The following CCDC85C variants were observed in gnomAD, a reference collection of about 807,000 sequenced individuals.
The protein encoded by CCDC85C is coiled-coil domain-containing protein 85C.
A neutral mutation model predicts 38.3 loss-of-function variants in CCDC85C; 18 were observed. The observed-to-expected ratio is 0.47, with a 90% confidence interval of 0.33 to 0.70. CCDC85C has a LOEUF of 0.70. Among genes scored for constraint, CCDC85C ranks in the 30% least tolerant of loss-of-function variants. The probability of loss-of-function intolerance (pLI) is 0.03; values close to 1 mark genes in which losing one functional copy is unlikely to be tolerated. For missense variants in CCDC85C, 566 were observed against 621.2 expected (o/e 0.91, Z 0.94); for synonymous variants, 264 against 293.8 (o/e 0.90, Z 1.04).
chr14:99,532,837 A>G, intron 2 of CCDC85C, among the ~76,000 whole-genome samples: 1 of 142,724 alleles, frequency 7.0e-6, no homozygotes, highest in Admixed American at 7.3e-5. Context: ...GTTGGAGTGC[A>G]GTGGGGCAAT....
rs144049718 is a variant in CCDC85C, at chr14:99,520,254, T to C, written c.975+1879A>G. On this transcript the variant is annotated intron_variant, in intron 3 of 5. Coordinates refer to ENST00000380243, the MANE Select transcript of CCDC85C (RefSeq NM_001144995.2). The surrounding 1 kb of genome is among the most constrained non-coding windows in gnomAD (Gnocchi z 4.1). Reference sequence around the variant, plus strand: ...GTCTGAGCCCGGAGACGGCCCTCTCTGGATAACCCCCTCACTCTCCCCGGG... The same window carrying C: ...GTCTGAGCCCGGAGACGGCCCTCTCCGGATAACCCCCTCACTCTCCCCGGG... Among the ~76,000 whole-genome samples the C allele has an allele frequency of 0.021, 3,206 of 152,248 alleles. 123 individuals carry two copies. Among genetic ancestry groups the C allele is most frequent in the African/African-American group, 0.073 (3,020 of 41,532 alleles).
At chr14:99,589,518 A>G (rs75925636) in intron 1 of CCDC85C, among the ~76,000 whole-genome samples, 12,677 of 152,134 alleles carry the variant, frequency 0.083, 1,028 homozygotes, top group African/African-American at 0.21. Context: ...GAGCCTCACC[A>G]ACTCTCCTAC....
intron 1 of CCDC85C, among the ~76,000 whole-genome samples, chr14:99,537,879 TG>T (rs1166297448): frequency 6.6e-6 from 1 of 152,150 alleles, no homozygotes; most frequent in Non-Finnish European, 1.5e-5. Context: ...CCTCTGAGCA[TG>T]GGGAGGTAGG....
chr14:99,574,135 C>T (rs190178986), intron 1 of CCDC85C, among the ~76,000 whole-genome samples: 1 of 152,276 alleles, frequency 6.6e-6, no homozygotes, highest in East Asian at 1.9e-4. Context: ...CCTGCTTCTG[C>T]TGTGCCTGCC....
At position 99,558,801 on chromosome 14, in the gene CCDC85C, G is replaced by A. The variant is rs1452742783; in HGVS notation, c.794-22713C>T. ...AGCAGGAAGAGGCAAGGAAGGTGAT[G>A]TGGTTTGAATCTGGGTCCTCACCCA... On this transcript the variant is annotated intron_variant, in intron 1 of 5. Transcript: ENST00000380243. The surrounding 1 kb of genome is among the most constrained non-coding windows in gnomAD (Gnocchi z 4.2). Among the ~76,000 whole-genome samples, 1 of 152,170 alleles carries A rather than the reference G, an allele frequency of 6.6e-6. No individual in the cohort carries two copies. Among genetic ancestry groups the A allele is most frequent in the Admixed American group, 6.5e-5 (1 of 15,276 alleles).
intron 1 of CCDC85C, among the ~76,000 whole-genome samples, chr14:99,562,423 G>A (rs1405098568): frequency 6.6e-6 from 1 of 152,236 alleles, no homozygotes; most frequent in South Asian, 2.1e-4. Context: ...GTAACGCGCT[G>A]CTGGACATCA....
At chr14:99,526,262 C>T (rs1897381689) in intron 2 of CCDC85C, among the ~76,000 whole-genome samples, 1 of 152,198 alleles carries the variant, frequency 6.6e-6, no homozygotes, top group South Asian at 2.1e-4. Flanking sequence ...CCTACATCCA[C>T]CCTCAGAGCA....
chr14:99,531,422 G>A (rs1012427591), intron 2 of CCDC85C, among the ~76,000 whole-genome samples: 2 of 152,164 alleles, frequency 1.3e-5, no homozygotes, highest in African/African-American at 2.4e-5. Flanking sequence ...GAATGCACAC[G>A]GAGTCTTGAG....
At chr14:99,593,600 A>C (rs1314871567) in intron 1 of CCDC85C, among the ~76,000 whole-genome samples, 2 of 152,248 alleles carry the variant, frequency 1.3e-5, no homozygotes, top group Non-Finnish European at 2.9e-5. Flanking sequence ...TGTGCAGCAC[A>C]GGTCAGCGAG....
intron 1 of CCDC85C, among the ~76,000 whole-genome samples, chr14:99,562,386 G>A (rs1046837485): frequency 4.6e-5 from 7 of 152,200 alleles, no homozygotes; most frequent in East Asian, 1.9e-4. Flanking sequence ...GAGCCACAGC[G>A]CAATGCCACA....
rs1377176725 is a variant in CCDC85C, at chr14:99,510,755, G to A, written c.*4491C>T. The A allele has an allele frequency of 8.2e-6, 12 of 1,464,168 alleles. No homozygotes were observed. Among genetic ancestry groups the A allele is most frequent in the Non-Finnish European group, 1.1e-5 (12 of 1,109,604 alleles). 90.7% of individuals were successfully genotyped at this position (1,464,168 alleles called of 1,614,324 possible). On this transcript the variant is annotated 3_prime_UTR_variant, in exon 6 of 6. Transcript: ENST00000380243. The stretch of plus-strand genomic sequence containing the variant: ...CACCCGGCATGCCTCCAGTTGGGGG[G>A]CTGGGGCGGGCAGCCTGGATGAGAT...
rs551150919 is a variant in CCDC85C at position 99,535,145 on chromosome 14, C to T, written c.867+870G>A. The T allele has an allele frequency of 9.0e-5, 16 of 178,600 alleles. No individual in the cohort carries two copies. The highest frequency in any genetic ancestry group is 1.2e-4 in the Non-Finnish European group (10 of 84,924). 11.1% of individuals were successfully genotyped at this position (178,600 alleles called of 1,614,324 possible). A position where few individuals can be genotyped will look rare whatever the true frequency, so the allele number is the denominator to read the frequency against. On this transcript the variant is annotated intron_variant, in intron 2 of 5. Coordinates refer to ENST00000380243, the MANE Select transcript of CCDC85C (RefSeq NM_001144995.2). The surrounding 1 kb of genome is among the most constrained non-coding windows in gnomAD (Gnocchi z 5.5). ...CTGAGCTGGGCAGTCGGCACCAAGCCTGGCTGGTCACCTAGCAACAGGGCC... is the reference window on the plus strand; with the variant it reads ...CTGAGCTGGGCAGTCGGCACCAAGCTTGGCTGGTCACCTAGCAACAGGGCC...
rs145203611 is a variant in CCDC85C, at chr14:99,503,090, G to C, written c.*12156C>G. On this transcript the variant is annotated 3_prime_UTR_variant, in exon 6 of 6. Coordinates refer to ENST00000380243, the MANE Select transcript of CCDC85C (RefSeq NM_001144995.2). ...CGAGCACAGGGAACACCGGAAGCAG[G>C]GGGTGTTCGCCGAAACTCGCAGTCC... 3,069 of 1,315,614 alleles carry C rather than the reference G, an allele frequency of 2.3e-3. 9 individuals are homozygous for C. The highest frequency in any genetic ancestry group is 2.9e-3 in the Non-Finnish European group (2,670 of 912,602). 81.5% of individuals were successfully genotyped at this position (1,315,614 alleles called of 1,614,324 possible).
Position 99,569,955 on chromosome 14 carries a change from C to T in CCDC85C, c.793+33212G>A, listed in dbSNP as rs541345511. Among the ~76,000 whole-genome samples the T allele has an allele frequency of 6.6e-6, 1 of 151,684 alleles. No individual in the cohort carries two copies. Among genetic ancestry groups the T allele is most frequent in the South Asian group, 2.1e-4 (1 of 4,800 alleles). ...CCAGCCTGGGTGACACAGCAACACA[C>T]TGTCTCAAAAAAAAAAGAAAGAGCC... On this transcript the variant is annotated intron_variant, in intron 1 of 5. Transcript: ENST00000380243. The surrounding 1 kb of genome is among the most constrained non-coding windows in gnomAD (Gnocchi z 4.3).
rs770657868 is a variant in CCDC85C at position 99,510,491 on chromosome 14, G to T, written c.*4755C>A. On this transcript the variant is annotated 3_prime_UTR_variant, in exon 6 of 6. Transcript: ENST00000380243. ...ATGTCTACCCGCCCAACCCGCCCCC[G>T]CCACCTGTGCCTCCTCCCCCAGCCT... The T allele has an allele frequency of 1.9e-5, 10 of 522,466 alleles. No individual in the cohort carries two copies. Among genetic ancestry groups the T allele is most frequent in the Middle Eastern group, 6.7e-4 (1 of 1,486 alleles). The allele number at this position is 522,466 out of a possible 1,614,324, so 32.4% of individuals were successfully genotyped here.
intron 1 of CCDC85C, among the ~76,000 whole-genome samples, chr14:99,538,700 TG>T (rs1354848195): frequency 6.6e-6 from 1 of 152,232 alleles, no homozygotes; most frequent in African/African-American, 2.4e-5. Context: ...AGTCCACAGC[TG>T]CCCCGTCAGC....
intron 1 of CCDC85C, among the ~76,000 whole-genome samples, chr14:99,551,504 G>A (rs1897905928): frequency 6.6e-6 from 1 of 151,830 alleles, no homozygotes; most frequent in Non-Finnish European, 1.5e-5. Context: ...GCAGTGTGCA[G>A]GTGGGTGTGC....
Position 99,501,348 on chromosome 14 carries a change from A to G in CCDC85C, c.*13898T>C. On this transcript the variant is annotated 3_prime_UTR_variant, in exon 6 of 6. Coordinates refer to ENST00000380243, the MANE Select transcript of CCDC85C (RefSeq NM_001144995.2). ...GCTATTAATTTACCTTTTTGTCCCCATTTCTAGGTGATAAAAACAAAATTC... is the reference window on the plus strand; with the variant it reads ...GCTATTAATTTACCTTTTTGTCCCCGTTTCTAGGTGATAAAAACAAAATTC... 1.3e-6 allele frequency: 2 copies of G among 1,586,912 alleles called. No homozygotes were observed. Among genetic ancestry groups the G allele is most frequent in the Non-Finnish European group, 1.7e-6 (2 of 1,157,246 alleles).
rs535214522 is a variant in CCDC85C at position 99,510,283 on chromosome 14, C to T, written c.*4963G>A. 79 of 1,566,662 alleles carry T rather than the reference C, an allele frequency of 5.0e-5. No homozygotes were observed. Among genetic ancestry groups the T allele is most frequent in the Non-Finnish European group, 6.1e-5 (71 of 1,156,786 alleles). Reference sequence around the variant, plus strand: ...CCGGCCCCTGTGCACCAGCCACCGCCGCTGCCACACCGGCCCCCGCCCCCA... The same window carrying T: ...CCGGCCCCTGTGCACCAGCCACCGCTGCTGCCACACCGGCCCCCGCCCCCA... On this transcript the variant is annotated 3_prime_UTR_variant, in exon 6 of 6. Coordinates refer to ENST00000380243, the MANE Select transcript of CCDC85C (RefSeq NM_001144995.2).
Sources: gnomAD v4.1 joint callset for allele counts (sites outside exome capture counted in the v4.1 genomes callset) on GRCh38, gnomAD v4.1.1 for gene constraint, Gnocchi (gnomAD v3.1) non-coding constraint, MANE v1.5 for transcripts, NCBI Gene and HGNC (gene_info 2026-07-23, HGNC 2026-07-21) for gene names.